Variants in OXR1 observed in about 807,000 individuals in gnomAD.
OXR1 encodes oxidation resistance protein 1.
A neutral mutation model predicts 104.6 loss-of-function variants in OXR1; 41 were observed. The observed-to-expected ratio is 0.39, with a 90% CI of 0.31 to 0.51. The LOEUF is 0.51. OXR1 is among the 20% of genes least tolerant of loss of function. The pLI is 0.77. For synonymous variants in OXR1, 348 were observed against 348.4 expected (o/e 1.00, Z 0.01); for missense variants, 955 against 1,031.9 (o/e 0.93, Z 1.02).
Position 106,384,576 on chromosome 8 carries a change from G to T in OXR1, c.23+24940G>T, listed in dbSNP as rs143703133. On this transcript the variant is annotated intron_variant, in intron 2 of 16. Transcript: ENST00000517566. ...AAAATGGCAGGAGGAGCTATCTTAG[G>T]TATATTTCGAAATCAGGGGAAGCTC... is the stretch of plus-strand genomic sequence containing the variant. Among the ~76,000 whole-genome samples, 268 of 152,260 alleles carry T rather than the reference G, an allele frequency of 1.8e-3. 1 individual carries two copies. The highest frequency in any genetic ancestry group is 6.1e-3 in the African/African-American group (254 of 41,560).
intron 11 of OXR1, among the ~76,000 whole-genome samples, chr8:106,735,828 T>C (rs1189746505): frequency 2.6e-5 from 4 of 152,098 alleles, no homozygotes; most frequent in African/African-American, 9.7e-5. Context: ...TTTTATCTAA[T>C]ACTGAAATAT....
rs1261800642 is a variant in OXR1 at position 106,737,242 on chromosome 8, A to C, written c.1957-278A>C. ...TTATATAGTGTTTTCTGTATAAAAA[A>C]CTATAATTTCTATTTACTAAGTTGA... is the stretch of plus-strand genomic sequence containing the variant. On this transcript the variant is annotated intron_variant, in intron 11 of 16. Transcript: ENST00000517566. 2.6e-5 allele frequency among the ~76,000 whole-genome samples: 4 copies of C among 152,102 alleles called. No homozygotes were observed. The South Asian group carries it at 8.3e-4, about 31-fold the overall frequency.
chr8:106,453,006 C>T (rs2130622418), intron 2 of OXR1, among the ~76,000 whole-genome samples: 1 of 152,236 alleles, frequency 6.6e-6, no homozygotes, highest in Middle Eastern at 3.4e-3. Context: ...CAAATGTGCT[C>T]TGCTCTTTCT....
chr8:106,468,451 G>A (rs1452722068), intron 2 of OXR1, among the ~76,000 whole-genome samples: 1 of 151,824 alleles, frequency 6.6e-6, no homozygotes, highest in Non-Finnish European at 1.5e-5. Context: ...GGATGAGTAA[G>A]TATTCTGGGC....
chr8:106,574,322 A>T (rs1051762411), intron 3 of OXR1, among the ~76,000 whole-genome samples: 1 of 151,912 alleles, frequency 6.6e-6, no homozygotes, highest in Non-Finnish European at 1.5e-5. Flanking sequence ...TTAATATTCA[A>T]CTCCCATCTC....
intron 8 of OXR1, among the ~76,000 whole-genome samples, chr8:106,705,974 C>A (rs1435564599): frequency 6.6e-6 from 1 of 151,922 alleles, no homozygotes; most frequent in African/African-American, 2.4e-5. Flanking sequence ...TTTATTTTTA[C>A]TTTATTGGGA....
At chr8:106,530,702 C>T (rs1427795514) in intron 3 of OXR1, among the ~76,000 whole-genome samples, 1 of 152,136 alleles carries the variant, frequency 6.6e-6, no homozygotes, top group Non-Finnish European at 1.5e-5. Flanking sequence ...ATTCATGATA[C>T]ATTCCCTATA....
At chr8:106,740,613 A>T (rs1834838063) in intron 14 of OXR1, 118 bp downstream of exon 14, 2 of 818,556 alleles carry the variant, frequency 2.4e-6, no homozygotes, top group Admixed American at 2.5e-5. Flanking sequence ...ACTGATAATT[A>T]CTGGGTACTT....
intron 2 of OXR1, among the ~76,000 whole-genome samples, chr8:106,398,694 C>T (rs1019405873): frequency 1.3e-5 from 2 of 152,130 alleles, no homozygotes; most frequent in Non-Finnish European, 2.9e-5. Context: ...AAGTTTCCCT[C>T]TTCCCTTCTT....
chr8:106,687,530 G>T (rs577015027), intron 6 of OXR1, among the ~76,000 whole-genome samples: 25 of 152,026 alleles, frequency 1.6e-4, no homozygotes, highest in African/African-American at 5.8e-4. Flanking sequence ...AGATTAGAGC[G>T]GCCAACATGG....
At chr8:106,688,516 A>T (rs1380269503) in intron 6 of OXR1, among the ~76,000 whole-genome samples, 3 of 152,156 alleles carry the variant, frequency 2.0e-5, no homozygotes, top group African/African-American at 7.2e-5. Flanking sequence ...GAATGTAGGC[A>T]TATTAAATCT....
intron 2 of OXR1, among the ~76,000 whole-genome samples, chr8:106,466,255 G>C (rs1022781002): frequency 4.6e-5 from 7 of 151,896 alleles, no homozygotes; most frequent in Non-Finnish European, 8.8e-5. Context: ...ATGAAATTCA[G>C]TGTTCATAGT....
At chr8:106,630,299 A>G (rs376607445) in intron 3 of OXR1, among the ~76,000 whole-genome samples, 71 of 152,268 alleles carry the variant, frequency 4.7e-4, no homozygotes, top group African/African-American at 1.7e-3. Context: ...ATAGGTGTAA[A>G]TAGGGCTGAA....
intron 2 of OXR1, among the ~76,000 whole-genome samples, chr8:106,443,288 G>GT (rs951775395): frequency 1.7e-4 from 26 of 150,236 alleles, no homozygotes; most frequent in East Asian, 9.7e-4. Flanking sequence ...ATAATTTCAG[G>GT]TTTTTTTTTG....
At chr8:106,613,584 A>T (rs541649768) in intron 3 of OXR1, among the ~76,000 whole-genome samples, 3 of 152,324 alleles carry the variant, frequency 2.0e-5, no homozygotes, top group Non-Finnish European at 4.4e-5. Flanking sequence ...TTTTTAGTAG[A>T]GACAGAGTTT....
rs904729085 is a variant in OXR1, at chr8:106,444,897, C to CAT, written c.24-74036_24-74035dup. On this transcript the variant is annotated intron_variant, in intron 2 of 16. Coordinates refer to ENST00000517566, the MANE Select transcript of OXR1 (RefSeq NM_001198533.2). ...TATATGTACACACACACATACCCCC[C>CAT]ATATATATATACACCACACAGATAT... Among the ~76,000 whole-genome samples, 89 of 151,942 alleles carry CAT rather than the reference C, an allele frequency of 5.9e-4. 1 individual carries two copies. The highest frequency in any genetic ancestry group is 2.0e-3 in the African/African-American group (83 of 41,434).
chr8:106,727,747 T>C (rs1440284215), intron 11 of OXR1, among the ~76,000 whole-genome samples: 2 of 152,212 alleles, frequency 1.3e-5, no homozygotes, highest in Non-Finnish European at 2.9e-5. Flanking sequence ...TGGGAGGCTA[T>C]ATAATTTTGT....
At chr8:106,335,324 C>T (rs1419728996) in intron 1 of OXR1, among the ~76,000 whole-genome samples, 7 of 152,090 alleles carry the variant, frequency 4.6e-5, no homozygotes, top group East Asian at 1.9e-4. Context: ...TGTTGATTTA[C>T]GGGTCTGCCA....
At chr8:106,422,270 A>G (rs1818935465) in intron 2 of OXR1, among the ~76,000 whole-genome samples, 1 of 152,184 alleles carries the variant, frequency 6.6e-6, no homozygotes, top group African/African-American at 2.4e-5. Context: ...GATAAGCTCC[A>G]CTACAAAGAT....
Sources: allele counts gnomAD v4.1 joint callset (sites outside exome capture counted in the v4.1 genomes callset), GRCh38; gene constraint gnomAD v4.1.1; transcripts MANE v1.5; gene names NCBI Gene and HGNC (gene_info 2026-07-23, HGNC 2026-07-21).